Variants in ZPBP2 observed in about 807,000 individuals in gnomAD.
ZPBP2 encodes zona pellucida binding protein 2, also known as zona pellucida-binding protein 2.
ZPBP2 carries 34 observed loss-of-function variants against 37.5 expected under a neutral mutation model. The ratio of observed to expected loss-of-function variants is 0.91; its 90% CI spans 0.69 to 1.21. The LOEUF is 1.21. Ranked by LOEUF, ZPBP2 falls within the 50% of genes most tolerant of loss-of-function variation. The pLI is 0.00. For synonymous variants in ZPBP2, 143 were observed against 138.4 expected (o/e 1.03, Z -0.23); for missense variants, 397 against 413.5 (o/e 0.96, Z 0.35).
chr17:39,870,691 C>A lies in ZPBP2; in HGVS notation c.119-3C>A. On this transcript the variant is annotated splice_region_variant and splice_polypyrimidine_tract_variant and intron_variant, in intron 2 of 7. Coordinates refer to ENST00000348931, the MANE Select transcript of ZPBP2 (RefSeq NM_199321.3). ...AGTTATACATTATTTTATTTCATCA[C>A]AGACAAAATATATGTAGAGTTACAT... The A allele has an allele frequency of 1.4e-6, 2 of 1,388,816 alleles. No homozygotes were observed. The highest frequency in any genetic ancestry group is 1.9e-6 in the Non-Finnish European group (2 of 1,035,330). 86.0% of individuals were successfully genotyped at this position (1,388,816 alleles called of 1,614,324 possible).
chr17:39,876,641 T>G lies in ZPBP2; in HGVS notation c.890-41T>G, dbSNP rs370759726. The G allele has an allele frequency of 6.2e-4, 993 of 1,607,256 alleles. 1 individual carries two copies. The highest frequency in any genetic ancestry group is 8.1e-4 in the Non-Finnish European group (948 of 1,176,216). Reference sequence around the variant, plus strand: ...ACCTCCAAGTAGTAGAGGCATAAAATATCTCTAAATTATAATTACTCCCTG... The same window carrying G: ...ACCTCCAAGTAGTAGAGGCATAAAAGATCTCTAAATTATAATTACTCCCTG... On this transcript the variant is annotated intron_variant, in intron 7 of 7. Coordinates refer to ENST00000348931, the MANE Select transcript of ZPBP2 (RefSeq NM_199321.3).
chr17:39,875,593 A>ATT (rs71152615), intron 7 of ZPBP2, among the ~76,000 whole-genome samples, 159 bp downstream of exon 7: 2 of 146,106 alleles, frequency 1.4e-5, no homozygotes, highest in Non-Finnish European at 1.5e-5. Flanking sequence ...CAAAGCCCCA[A>ATT]TTTTTTTTTT....
At position 39,868,358 on chromosome 17, in the gene ZPBP2, A is replaced by G; in HGVS notation, c.4A>G (p.Met2Val). 6.2e-7 allele frequency: 1 copy of G among 1,609,420 alleles called. No individual in the cohort carries two copies. Residue 2 changes from methionine (M) to valine (V), a missense_variant, in exon 1 of 8, where the codon ATG becomes GTG. Met to Val is a conservative substitution (Grantham distance 21). Coordinates refer to ENST00000348931, the MANE Select transcript of ZPBP2 (RefSeq NM_199321.3). M[M>V]RTCVLLSAVL... ...CTGCGACGCCAGCCCCTGAGCGATG[A>G]TGCGAACGTGCGTCCTACTCTCCGC...
intron 2 of ZPBP2, 77 bp from the exon 3 acceptor site, chr17:39,870,617 C>A: frequency 1.2e-6 from 1 of 865,102 alleles, no homozygotes; most frequent in Non-Finnish European, 1.6e-6. Context: ...GTGTCTTCAG[C>A]ACAAAATGGT....
chr17:39,876,115 G>A (rs948948303), intron 7 of ZPBP2, among the ~76,000 whole-genome samples: 3 of 151,440 alleles, frequency 2.0e-5, no homozygotes, highest in Non-Finnish European at 2.9e-5. Flanking sequence ...ACAGAGTTTC[G>A]CCCTGTTGCC....
intron 3 of ZPBP2, among the ~76,000 whole-genome samples, 165 bp downstream of exon 3, chr17:39,870,984 C>T (rs1281683565): frequency 6.6e-6 from 1 of 152,044 alleles, no homozygotes; most frequent in Non-Finnish European, 1.5e-5. Flanking sequence ...CTTATTTTCT[C>T]CTTATGCAAA....
intron 7 of ZPBP2, among the ~76,000 whole-genome samples, chr17:39,876,407 A>G (rs1322021402): frequency 6.6e-6 from 1 of 152,164 alleles, no homozygotes; most frequent in Non-Finnish European, 1.5e-5. Context: ...AGGAACTCAT[A>G]AATGGGGCAC....
At chr17:39,875,502 T>C in intron 7 of ZPBP2, 68 bp downstream of exon 7, 1 of 1,137,748 alleles carries the variant, frequency 8.8e-7, no homozygotes. Context: ...AGTAATTCAC[T>C]TGGCATAACT....
chr17:39,870,337 C>G (rs930738271), intron 2 of ZPBP2, among the ~76,000 whole-genome samples: 1 of 152,194 alleles, frequency 6.6e-6, no homozygotes, highest in Non-Finnish European at 1.5e-5. Context: ...GCCACCGTGC[C>G]CAGGCCTTTT....
chr17:39,870,434 A>G (rs1387264713), intron 2 of ZPBP2, among the ~76,000 whole-genome samples: 2 of 152,200 alleles, frequency 1.3e-5, no homozygotes, highest in African/African-American at 2.4e-5. Context: ...AACTTTAAAT[A>G]TATCATGTGT....
chr17:39,875,492 A>T lies in ZPBP2; in HGVS notation c.889+58A>T, dbSNP rs1474854493. 9 of 1,267,298 alleles carry T rather than the reference A, an allele frequency of 7.1e-6. No individual in the cohort carries two copies. The African/African-American group carries it at 1.4e-4, about 19-fold the overall frequency. The allele number at this position is 1,267,298 out of a possible 1,614,324, so 78.5% of individuals were successfully genotyped here. On this transcript the variant is annotated intron_variant, in intron 7 of 7. Coordinates refer to ENST00000348931, the MANE Select transcript of ZPBP2 (RefSeq NM_199321.3). Reference sequence around the variant, plus strand: ...GGTTATAGAGTCAGAAGAATATATAAGTAATTCACTTGGCATAACTGAATA... The same window carrying T: ...GGTTATAGAGTCAGAAGAATATATATGTAATTCACTTGGCATAACTGAATA...
In ZPBP2 at chr17:39,873,025, T is replaced by C; in HGVS notation, c.626-19T>C. ...TTTTCAGAATCCCTTTGTGAGTCTA[T>C]CATTTTTTTTCTCTTCAGTTAATCC... On this transcript the variant is annotated intron_variant, in intron 5 of 7. Transcript: ENST00000348931. 1 of 1,608,318 alleles carries C rather than the reference T, an allele frequency of 6.2e-7. No individual in the cohort carries two copies. Among genetic ancestry groups the C allele is most frequent in the Admixed American group, 1.7e-5 (1 of 59,456 alleles).
At chr17:39,870,936 C>A in intron 3 of ZPBP2, 117 bp downstream of exon 3, 1 of 904,466 alleles carries the variant, frequency 1.1e-6, no homozygotes, top group East Asian at 3.0e-5. Flanking sequence ...TTCTCTTGCT[C>A]CCTACTTAGA....
chr17:39,874,781 T>G (rs532566982), intron 6 of ZPBP2, among the ~76,000 whole-genome samples: 11 of 152,226 alleles, frequency 7.2e-5, no homozygotes, highest in African/African-American at 2.4e-4. Flanking sequence ...AGACGGGGTC[T>G]CGCTCTGTCG....
intron 6 of ZPBP2, among the ~76,000 whole-genome samples, chr17:39,873,666 G>A (rs1005830936): frequency 6.6e-6 from 1 of 152,110 alleles, no homozygotes; most frequent in South Asian, 2.1e-4. Flanking sequence ...CCTGGTCTTT[G>A]TTCCCCAAAT....
At chr17:39,875,507 A>T in intron 7 of ZPBP2, 73 bp downstream of exon 7, 1 of 1,082,720 alleles carries the variant, frequency 9.2e-7, no homozygotes. Context: ...TTCACTTGGC[A>T]TAACTGAATA....
chr17:39,873,214 C>G, intron 6 of ZPBP2, 88 bp downstream of exon 6: 1 of 1,118,116 alleles, frequency 8.9e-7, no homozygotes, highest in Non-Finnish European at 1.3e-6. Context: ...AGTGGTGCGA[C>G]CATAGCTCAC....
rs1338443055 is a variant in ZPBP2 at position 39,872,303 on chromosome 17, C to T, written c.440C>T (p.Ala147Val). 3.1e-6 allele frequency: 5 copies of T among 1,608,722 alleles called. No individual in the cohort carries two copies. In the Admixed American group the frequency reaches 8.4e-5, roughly 27 times the overall value. ...YREPDYSYQM[A>V]VRFTTRSCIG... ...GAACCTGATTATTCATATCAGATGG[C>T]TGTACGTTTTACCACAAGGTCTTGT... is the stretch of plus-strand genomic sequence containing the variant. The change falls in exon 5 of 8, where the codon GCT (alanine) becomes GTT (valine). Residue 147 changes from alanine to valine, a missense_variant. Ala to Val is a moderately conservative substitution (Grantham distance 64). Coordinates refer to ENST00000348931, the MANE Select transcript of ZPBP2 (RefSeq NM_199321.3).
At chr17:39,869,405 CTT>C (rs1555647285) in intron 2 of ZPBP2, among the ~76,000 whole-genome samples, 2,345 of 114,752 alleles carry the variant, frequency 0.02, 26 homozygotes, top group African/African-American at 0.072. Flanking sequence ...TTCCTTCCTT[CTT>C]TTTTTTTTTT....
Sources: allele counts gnomAD v4.1 joint callset (sites outside exome capture counted in the v4.1 genomes callset), GRCh38; gene constraint gnomAD v4.1.1; transcripts MANE v1.5; gene names NCBI Gene and HGNC (gene_info 2026-07-23, HGNC 2026-07-21).